The following SORCS1 variants were observed in gnomAD, a reference collection of about 807,000 sequenced individuals.
SORCS1 encodes the protein sortilin related VPS10 domain containing receptor 1, also known as VPS10 domain-containing receptor SorCS1.
Under a neutral mutation model 146.1 loss-of-function variants are expected in SORCS1, and 60 were observed. That is an observed-to-expected ratio of 0.41 (90% CI 0.33 to 0.51). The LOEUF (loss-of-function observed/expected upper bound fraction) is 0.51, where lower values mean the gene tolerates loss of function less well. SORCS1 is among the 20% of genes least tolerant of loss of function. The pLI is 0.21. For missense variants in SORCS1, 1,352 were observed against 1,487.6 expected (o/e 0.91, Z 1.50); for synonymous variants, 637 against 584.0 (o/e 1.09, Z -1.31).
intron 5 of SORCS1, among the ~76,000 whole-genome samples, chr10:106,747,396 T>A (rs1463027483): frequency 1.3e-5 from 2 of 152,208 alleles, no homozygotes; most frequent in South Asian, 4.1e-4. Context: ...TAGAAGAGAT[T>A]CCTGCAAGTC....
intron 5 of SORCS1, among the ~76,000 whole-genome samples, chr10:106,759,490 G>A (rs1326975011): frequency 6.6e-6 from 1 of 152,196 alleles, no homozygotes; most frequent in African/African-American, 2.4e-5. Flanking sequence ...GCAGGAGGTA[G>A]GATGTACATT....
At chr10:107,092,900 A>C (rs1466950128) in intron 1 of SORCS1, among the ~76,000 whole-genome samples, 7 of 151,874 alleles carry the variant, frequency 4.6e-5, no homozygotes, top group East Asian at 3.9e-4. Flanking sequence ...AAAAAAAAAA[A>C]AAAAAACCTT....
intron 5 of SORCS1, among the ~76,000 whole-genome samples, chr10:106,744,886 C>T (rs1857607876): frequency 6.6e-6 from 1 of 152,132 alleles, no homozygotes; most frequent in Admixed American, 6.5e-5. Flanking sequence ...AAGCTCAGAA[C>T]TACTGGGTGA....
At chr10:107,176,864 T>G in the SORCS1 span, among the ~76,000 whole-genome samples, 5 of 152,090 alleles carry the variant, frequency 3.3e-5, no homozygotes, top group African/African-American at 9.7e-5. Context: ...ATAGTGTTCA[T>G]TAGGTCAAGT....
intron 3 of SORCS1, among the ~76,000 whole-genome samples, chr10:106,804,703 A>G (rs1396501263): frequency 6.6e-6 from 1 of 152,182 alleles, no homozygotes; most frequent in Non-Finnish European, 1.5e-5. Context: ...ATCCACTTAA[A>G]TAGACTTTTC....
At position 107,060,316 on chromosome 10, in the gene SORCS1, G is replaced by A. The variant is rs1294209451; in HGVS notation, c.558+103653C>T. ...GTTTTCCCCTCATCTGTAAAAGTGG[G>A]GTACTAGTACTGAGGAGGGTTCTTG... On this transcript the variant is annotated intron_variant, in intron 1 of 25. Coordinates refer to ENST00000263054, the MANE Select transcript of SORCS1 (RefSeq NM_052918.5). The surrounding 1 kb of genome is among the most constrained non-coding windows in gnomAD (Gnocchi z 4.1). 2.0e-5 allele frequency among the ~76,000 whole-genome samples: 3 copies of A among 152,098 alleles called. No homozygotes were observed.
chr10:107,094,613 T>C (rs1170565692), intron 1 of SORCS1, among the ~76,000 whole-genome samples: 1 of 152,206 alleles, frequency 6.6e-6, no homozygotes, highest in African/African-American at 2.4e-5. Context: ...CCAAGACATT[T>C]TGATTGGCAA....
Position 106,577,530 on chromosome 10 carries a change from AG to A in SORCS1, c.3396del (p.Ser1133ProfsTer48). 1 of 879,092 alleles carries A rather than the reference AG, an allele frequency of 1.1e-6. No individual in the cohort carries two copies. Among genetic ancestry groups the A allele is most frequent in the East Asian group, 4.0e-5 (1 of 24,792 alleles). 54.5% of individuals were successfully genotyped at this position (879,092 alleles called of 1,614,324 possible). On this transcript the variant is annotated frameshift_variant, in exon 26 of 26. Coordinates refer to ENST00000263054, the MANE Select transcript of SORCS1 (RefSeq NM_052918.5). ...GAGTCACCAGGTTGAGTAGAAGGGG[AG>A]GGAGGGGAGGGTAAAGCTACTCTCC... is the stretch of plus-strand genomic sequence containing the variant. ...FKRRVALPSP[P>X]SPSTQPGDSS...
intron 2 of SORCS1, among the ~76,000 whole-genome samples, chr10:106,873,757 A>G (rs992060602): frequency 1.3e-5 from 2 of 152,210 alleles, no homozygotes; most frequent in Non-Finnish European, 2.9e-5. Context: ...TCCAATTTCT[A>G]ATTACACCAA....
At chr10:106,637,644 A>C (rs562158041) in intron 18 of SORCS1, among the ~76,000 whole-genome samples, 4 of 152,334 alleles carry the variant, frequency 2.6e-5, no homozygotes, top group African/African-American at 9.6e-5. Flanking sequence ...AGATCTGTCA[A>C]GACCATGAAT....
At chr10:107,021,960 C>T (rs1958166843) in intron 1 of SORCS1, among the ~76,000 whole-genome samples, 1 of 152,154 alleles carries the variant, frequency 6.6e-6, no homozygotes, top group Non-Finnish European at 1.5e-5. Context: ...TTGTCACAAA[C>T]ATGGAAGCAG....
intron 2 of SORCS1, among the ~76,000 whole-genome samples, chr10:106,943,214 G>A (rs1304894262): frequency 6.6e-6 from 1 of 152,134 alleles, no homozygotes; most frequent in Admixed American, 6.5e-5. Flanking sequence ...GGTGTTTAAT[G>A]TTCTTCTCAC....
intron 1 of SORCS1, among the ~76,000 whole-genome samples, chr10:107,082,152 G>A (rs145214312): frequency 4.6e-5 from 7 of 152,252 alleles, no homozygotes; most frequent in Non-Finnish European, 7.4e-5. Context: ...TGCACTTTCG[G>A]AAACTCTCAG....
chr10:106,579,587 G>A, intron 24 of SORCS1, 113 bp from the exon 25 acceptor site: 3 of 1,056,638 alleles, frequency 2.8e-6, no homozygotes, highest in Admixed American at 4.2e-5. Context: ...AAAACCATGT[G>A]GGATATACAC....
intron 2 of SORCS1, among the ~76,000 whole-genome samples, chr10:106,938,451 G>A (rs1262765309): frequency 1.3e-5 from 2 of 152,206 alleles, no homozygotes; most frequent in South Asian, 2.1e-4. Context: ...GTGGCAAATT[G>A]ATGGACCTCA....
chr10:107,060,101 A>T lies in SORCS1; in HGVS notation c.559-103521T>A, dbSNP rs151094168. 1.5e-3 allele frequency among the ~76,000 whole-genome samples: 223 copies of T among 152,092 alleles called. No individual in the cohort carries two copies. Among genetic ancestry groups the T allele is most frequent in the African/African-American group, 5.2e-3 (215 of 41,488 alleles). On this transcript the variant is annotated intron_variant, in intron 1 of 25. Coordinates refer to ENST00000263054, the MANE Select transcript of SORCS1 (RefSeq NM_052918.5). The surrounding 1 kb of genome is among the most constrained non-coding windows in gnomAD (Gnocchi z 4.1). Reference sequence around the variant, plus strand: ...GCACATAGCTGTACTCTAGCTGACAAATCGCCTGCCAGACCTCATCACACA... The same window carrying T: ...GCACATAGCTGTACTCTAGCTGACATATCGCCTGCCAGACCTCATCACACA...
chr10:107,015,269 T>G (rs1036173003), intron 1 of SORCS1, among the ~76,000 whole-genome samples: 2 of 152,112 alleles, frequency 1.3e-5, no homozygotes, highest in African/African-American at 2.4e-5. Context: ...TGTGGAGAGA[T>G]AGAAAATAGA....
chr10:106,642,296 G>A (rs1270168794), intron 18 of SORCS1, among the ~76,000 whole-genome samples: 1 of 152,062 alleles, frequency 6.6e-6, no homozygotes, highest in African/African-American at 2.4e-5. Context: ...ACTTGGGGAG[G>A]TGAATCTTTT....
At position 106,740,510 on chromosome 10, in the gene SORCS1, A is replaced by G. The variant is rs140200496; in HGVS notation, c.960-10396T>C. ...ATCCCTGTACCTTGTGAAGCTTACAATTCAATATGGAACACAGAGAAATTA... is the reference window on the plus strand; with the variant it reads ...ATCCCTGTACCTTGTGAAGCTTACAGTTCAATATGGAACACAGAGAAATTA... On this transcript the variant is annotated intron_variant, in intron 5 of 25. Coordinates refer to ENST00000263054, the MANE Select transcript of SORCS1 (RefSeq NM_052918.5). Among the ~76,000 whole-genome samples the G allele has an allele frequency of 2.2e-4, 33 of 152,326 alleles. No individual in the cohort carries two copies. In the East Asian group the frequency reaches 4.8e-3, roughly 22 times the overall value.
Sources: allele counts gnomAD v4.1 joint callset (sites outside exome capture counted in the v4.1 genomes callset), GRCh38; gene constraint gnomAD v4.1.1; non-coding constraint Gnocchi (gnomAD v3.1); transcripts MANE v1.5; gene names NCBI Gene and HGNC (gene_info 2026-07-23, HGNC 2026-07-21).